Variants in PHKG1 observed in about 807,000 individuals in gnomAD.
PHKG1 encodes phosphorylase b kinase gamma catalytic chain, skeletal muscle/heart isoform.
A neutral mutation model predicts 50.5 loss-of-function variants in PHKG1; 48 were observed. The ratio of observed to expected loss-of-function variants is 0.95; its 90% CI spans 0.75 to 1.21. PHKG1 has a LOEUF of 1.21. PHKG1 is among the 50% of genes most tolerant of loss of function. PHKG1 has a pLI of 0.00. For missense variants in PHKG1, 487 were observed against 519.5 expected (o/e 0.94, Z 0.61); for synonymous variants, 204 against 212.8 (o/e 0.96, Z 0.36).
At chr7:56,083,627 G>T in intron 5 of PHKG1, 23 bp downstream of exon 5, 1 of 1,567,732 alleles carries the variant, frequency 6.4e-7, no homozygotes, top group East Asian at 2.3e-5. Flanking sequence ...AGGGAGCGGA[G>T]AGAAGGGCAA....
At chr7:56,086,600 T>TGCCTCAGCCTCCCGCGTAGCTGGG (rs542265886) in intron 4 of PHKG1, among the ~76,000 whole-genome samples, 755 of 152,280 alleles carry the variant, frequency 5.0e-3, no homozygotes, top group Non-Finnish European at 9.3e-3. Context: ...GCGATTCTCC[T>TGCCTCAGCCTCCCGCGTAGCTGGG]GCCTCAGCCT....
In PHKG1 at chr7:56,083,285, CCT is replaced by C; in HGVS notation, c.538_539del (p.Arg180AlafsTer14). 6.2e-7 allele frequency: 1 copy of C among 1,613,868 alleles called. No individual in the cohort carries two copies. The highest frequency in any genetic ancestry group is 8.5e-7 in the Non-Finnish European group (1 of 1,179,880). On this transcript the variant is annotated frameshift_variant, in exon 6 of 10. Transcript: ENST00000297373. LOFTEE classifies it high-confidence loss of function. Reference protein sequence around the residue: ...GFSCQLEPGERLREVCGTPSY... With the variant: ...GFSCQLEPGEXLREVCGTPSY... ...AAGGCCATGTTACCAGACCTCGCAG[CCT>C]CTCTCCCGGCTCCAGCTGGCAGGAA...
chr7:56,089,056 C>T, intron 1 of PHKG1, 81 bp from the exon 2 acceptor site: 1 of 672,126 alleles, frequency 1.5e-6, no homozygotes, highest in Non-Finnish European at 2.7e-6. Context: ...GTTTCTCACT[C>T]ATCCTTACAT....
At chr7:56,082,878 C>T (rs1362636554) in intron 6 of PHKG1, among the ~76,000 whole-genome samples, 8 of 151,916 alleles carry the variant, frequency 5.3e-5, no homozygotes, top group East Asian at 1.9e-4. Context: ...GAGGCCGAGG[C>T]GGGCGGATCG....
In PHKG1 at chr7:56,082,144, C is replaced by T; in HGVS notation, c.638+19G>A. 2 of 1,613,050 alleles carry T rather than the reference C, an allele frequency of 1.2e-6. No individual in the cohort carries two copies. The highest frequency in any genetic ancestry group is 1.7e-6 in the Non-Finnish European group (2 of 1,179,290). On this transcript the variant is annotated intron_variant, in intron 7 of 9. Transcript: ENST00000297373. ...TTGCCCAGCCTAGCTGGGTGCTCCTCCTTTCCCGGCGCACTCACATGTCCA... is the reference window on the plus strand; with the variant it reads ...TTGCCCAGCCTAGCTGGGTGCTCCTTCTTTCCCGGCGCACTCACATGTCCA...
chr7:56,087,072 C>T (rs1796282881), intron 3 of PHKG1, 48 bp from the exon 4 acceptor site: 1 of 1,507,232 alleles, frequency 6.6e-7, no homozygotes, highest in East Asian at 2.3e-5. Flanking sequence ...GGAGCCCAGG[C>T]AGGGGCAGCC....
rs1008584198 is a variant in PHKG1, at chr7:56,081,457, A to C, written c.919-158T>G. ...CACTTCCCACTTGGCCAGCATCCTC[A>C]GGGACCGAGCCAGTGGGCTGACACC... On this transcript the variant is annotated intron_variant, in intron 9 of 9. Transcript: ENST00000297373. This position sits in a 1 kb window ranked among gnomAD's most constrained non-coding sequence, Gnocchi z 4.6. Among the ~76,000 whole-genome samples, 4 of 152,108 alleles carry C rather than the reference A, an allele frequency of 2.6e-5. No homozygotes were observed. The highest frequency in any genetic ancestry group is 4.4e-5 in the Non-Finnish European group (3 of 68,028).
chr7:56,083,264 C>T lies in PHKG1; in HGVS notation c.547+14G>A, dbSNP rs1796102377. The T allele has an allele frequency of 1.2e-6, 2 of 1,613,302 alleles. No homozygotes were observed. Among genetic ancestry groups the T allele is most frequent in the Middle Eastern group, 1.7e-4 (1 of 5,744 alleles). On this transcript the variant is annotated intron_variant, in intron 6 of 9. Transcript: ENST00000297373. Reference sequence around the variant, plus strand: ...CCCGAGGCCTGGACGTGGGCCAAGGCCATGTTACCAGACCTCGCAGCCTCT... The same window carrying T: ...CCCGAGGCCTGGACGTGGGCCAAGGTCATGTTACCAGACCTCGCAGCCTCT...
Position 56,081,654 on chromosome 7 carries a change from G to A in PHKG1, c.894C>T (p.His298=). ...CCTTGAACTTCCCCCGGGGGCTGAA[G>A]TGCCGCACTTCCTCCACCAAGTACT... The part of the protein sequence containing the change: ...FQQYLVEEVR[H]FSPRGKFKVI... Residue 298 remains histidine, a synonymous_variant, in exon 9 of 10, where the codon CAC becomes CAT. Coordinates refer to ENST00000297373, the MANE Select transcript of PHKG1 (RefSeq NM_006213.5). The surrounding 1 kb of genome is among the most constrained non-coding windows in gnomAD (Gnocchi z 4.6). The A allele has an allele frequency of 6.2e-7, 1 of 1,613,776 alleles. No homozygotes were observed.
intron 1 of PHKG1, among the ~76,000 whole-genome samples, chr7:56,089,220 A>G (rs1236025942): frequency 6.6e-6 from 1 of 152,062 alleles, no homozygotes; most frequent in East Asian, 1.9e-4. Context: ...CCTGGCCAAC[A>G]TGGTGAAACC....
At position 56,080,966 on chromosome 7, in the gene PHKG1, G is replaced by T. The variant is rs1795943386; in HGVS notation, c.*88C>A. 1 of 1,476,724 alleles carries T rather than the reference G, an allele frequency of 6.8e-7. No homozygotes were observed. The highest frequency in any genetic ancestry group is 9.2e-7 in the Non-Finnish European group (1 of 1,083,688). The allele number at this position is 1,476,724 out of a possible 1,614,324, so 91.5% of individuals were successfully genotyped here. On this transcript the variant is annotated 3_prime_UTR_variant, in exon 10 of 10. Coordinates refer to ENST00000297373, the MANE Select transcript of PHKG1 (RefSeq NM_006213.5). The stretch of plus-strand genomic sequence containing the variant: ...CAGGGCCAAGTGCTCCTTCTGCAGA[G>T]GCCTGCACGCATCTCACCCCTTTGA...
At position 56,080,879 on chromosome 7, in the gene PHKG1, C is replaced by G. The variant is rs1350855846; in HGVS notation, c.*175G>C. On this transcript the variant is annotated 3_prime_UTR_variant, in exon 10 of 10. Transcript: ENST00000297373. ...AGGTATTGCTGTGTGGTGGGAACACCCACTTCCCTTGTGCACAGCCTTTGA... is the reference window on the plus strand; with the variant it reads ...AGGTATTGCTGTGTGGTGGGAACACGCACTTCCCTTGTGCACAGCCTTTGA... 1 of 732,246 alleles carries G rather than the reference C, an allele frequency of 1.4e-6. No homozygotes were observed. Among genetic ancestry groups the G allele is most frequent in the Admixed American group, 2.9e-5 (1 of 34,908 alleles). The allele number at this position is 732,246 out of a possible 1,614,324, so 45.4% of individuals were successfully genotyped here. A position where few individuals can be genotyped will look rare whatever the true frequency, so the allele number is the denominator to read the frequency against.
chr7:56,084,948 A>T (rs1796191813), intron 4 of PHKG1, among the ~76,000 whole-genome samples: 1 of 151,936 alleles, frequency 6.6e-6, no homozygotes, highest in South Asian at 2.1e-4. Flanking sequence ...AGAGCAGTCG[A>T]GACAGCTGCA....
At position 56,092,368 on chromosome 7, in the gene PHKG1, G is replaced by C. The variant is rs556591891; in HGVS notation, c.-35+468C>G. ...GCTCACTGCAACTTCTGCTTTCCGG[G>C]TTCAAGCGATTCTCTTGCCTCAGCC... On this transcript the variant is annotated intron_variant, in intron 1 of 9. Transcript: ENST00000297373. 5.9e-5 allele frequency among the ~76,000 whole-genome samples: 9 copies of C among 152,210 alleles called. No homozygotes were observed. The East Asian group carries it at 1.7e-3, about 29-fold the overall frequency.
At chr7:56,090,124 G>T (rs1005750546) in intron 1 of PHKG1, among the ~76,000 whole-genome samples, 10 of 152,016 alleles carry the variant, frequency 6.6e-5, no homozygotes, top group Non-Finnish European at 1.5e-4. Flanking sequence ...TGTTTTTGGT[G>T]TTTTTTGTGG....
intron 1 of PHKG1, among the ~76,000 whole-genome samples, chr7:56,089,568 G>A (rs1051826422): frequency 6.6e-6 from 1 of 150,694 alleles, no homozygotes; most frequent in Admixed American, 6.7e-5. Flanking sequence ...CCAGGCTGGA[G>A]TGCAGTGGCA....
In PHKG1 at chr7:56,081,411, C is replaced by T. The variant is rs1196867049; in HGVS notation, c.919-112G>A. ...GCCACGAAGCCTTGGGTGGCTTCTG[C>T]GGGGCCTTCCTAGTGTCCCCCACTT... On this transcript the variant is annotated intron_variant, in intron 9 of 9. Coordinates refer to ENST00000297373, the MANE Select transcript of PHKG1 (RefSeq NM_006213.5). This position sits in a 1 kb window ranked among gnomAD's most constrained non-coding sequence, Gnocchi z 4.6. The T allele has an allele frequency of 2.0e-5, 28 of 1,389,882 alleles. No homozygotes were observed. Among genetic ancestry groups the T allele is most frequent in the Admixed American group, 7.0e-5 (3 of 42,564 alleles). 86.1% of individuals were successfully genotyped at this position (1,389,882 alleles called of 1,614,324 possible).
In PHKG1 at chr7:56,081,409, T is replaced by C; in HGVS notation, c.919-110A>G. The C allele has an allele frequency of 7.2e-7, 1 of 1,395,018 alleles. No homozygotes were observed. Among genetic ancestry groups the C allele is most frequent in the Non-Finnish European group, 9.6e-7 (1 of 1,042,624 alleles). The allele number at this position is 1,395,018 out of a possible 1,614,324, so 86.4% of individuals were successfully genotyped here. ...TTGCCACGAAGCCTTGGGTGGCTTC[T>C]GCGGGGCCTTCCTAGTGTCCCCCAC... On this transcript the variant is annotated intron_variant, in intron 9 of 9. Transcript: ENST00000297373. The surrounding 1 kb of genome is among the most constrained non-coding windows in gnomAD (Gnocchi z 4.6).
At chr7:56,089,990 C>T (rs1291006039) in intron 1 of PHKG1, among the ~76,000 whole-genome samples, 3 of 152,166 alleles carry the variant, frequency 2.0e-5, no homozygotes, top group Non-Finnish European at 2.9e-5. Flanking sequence ...TAGGCCACTC[C>T]TGTAGCCTCT....
Sources: gnomAD v4.1 joint callset for allele counts (sites outside exome capture counted in the v4.1 genomes callset) on GRCh38, gnomAD v4.1.1 for gene constraint, Gnocchi (gnomAD v3.1) non-coding constraint, MANE v1.5 for transcripts, NCBI Gene and HGNC (gene_info 2026-07-23, HGNC 2026-07-21) for gene names.